Variants in THSD4 observed in about 807,000 individuals in gnomAD.
THSD4 encodes the protein thrombospondin type-1 domain-containing protein 4.
In THSD4, 69 loss-of-function variants were observed where a neutral mutation model predicts 119.0. That is an observed-to-expected ratio of 0.58 (90% CI 0.48 to 0.71). The LOEUF is 0.71. Among genes scored for constraint, THSD4 ranks in the 30% least tolerant of loss-of-function variants. THSD4 has a pLI of 0.00. For missense variants in THSD4, 1,393 were observed against 1,391.1 expected (o/e 1.00, Z -0.02); for synonymous variants, 524 against 540.4 (o/e 0.97, Z 0.42).
chr15:71,274,575 T>G (rs2044569373), intron 6 of THSD4, among the ~76,000 whole-genome samples: 1 of 152,138 alleles, frequency 6.6e-6, no homozygotes, highest in South Asian at 2.1e-4. Context: ...CTCCCACCAC[T>G]GCTGCCAAGT....
In THSD4 at chr15:71,442,612, G is replaced by A. The variant is rs1368254048; in HGVS notation, c.1152+30789G>A. Among the ~76,000 whole-genome samples the A allele has an allele frequency of 1.2e-3, 82 of 70,832 alleles. 1 individual carries two copies. The highest frequency in any genetic ancestry group is 1.9e-3 in the Non-Finnish European group (65 of 34,714). 46.5% of individuals were successfully genotyped at this position (70,832 alleles called of 152,430 possible). On this transcript the variant is annotated intron_variant, in intron 7 of 17. Transcript: ENST00000261862. ...TATATATATATATATGTGTGTGTGT[G>A]TGTGTGTATATATATATGTATGTGT... is the stretch of plus-strand genomic sequence containing the variant.
intron 7 of THSD4, among the ~76,000 whole-genome samples, chr15:71,587,691 T>G (rs1391048507): frequency 7.6e-6 from 1 of 132,048 alleles, no homozygotes; most frequent in Non-Finnish European, 1.6e-5. Context: ...AGTTAGTGGG[T>G]GCAGCGCACC....
chr15:71,228,464 C>T (rs146332038), intron 4 of THSD4, among the ~76,000 whole-genome samples: 2,350 of 152,264 alleles, frequency 0.015, 63 homozygotes, highest in African/African-American at 0.054. Flanking sequence ...GAATAGATTT[C>T]TGTTGTTATA....
intron 7 of THSD4, among the ~76,000 whole-genome samples, chr15:71,432,675 C>T (rs1024620255): frequency 6.6e-6 from 1 of 151,992 alleles, no homozygotes; most frequent in Non-Finnish European, 1.5e-5. Context: ...ATAAATAAAC[C>T]TATCCTGTAT....
At chr15:71,745,662 T>G (rs552442963) in intron 12 of THSD4, among the ~76,000 whole-genome samples, 1 of 152,308 alleles carries the variant, frequency 6.6e-6, no homozygotes, top group African/African-American at 2.4e-5. Flanking sequence ...GGTTTTGTTT[T>G]TGTTTTTATG....
intron 7 of THSD4, among the ~76,000 whole-genome samples, chr15:71,435,973 G>A (rs1477899792): frequency 2.0e-5 from 3 of 152,196 alleles, no homozygotes; most frequent in Non-Finnish European, 4.4e-5. Context: ...GATTCCCAGT[G>A]CTTTTAGACT....
chr15:71,542,876 C>CAA lies in THSD4; in HGVS notation c.1153-117644_1153-117643dup, dbSNP rs59058386. Among the ~76,000 whole-genome samples the CAA allele has an allele frequency of 8.2e-4, 113 of 137,776 alleles. 1 individual carries two copies. Among genetic ancestry groups the CAA allele is most frequent in the South Asian group, 3.9e-3 (17 of 4,324 alleles). 90.4% of individuals were successfully genotyped at this position (137,776 alleles called of 152,430 possible). A position where few individuals can be genotyped will look rare whatever the true frequency, so the allele number is the denominator to read the frequency against. ...TGGGCAACAGAGCAAGACTCTGTCT[C>CAA]AAAAAAAAAAACAAAAAAACAAAAA... is the stretch of plus-strand genomic sequence containing the variant. On this transcript the variant is annotated intron_variant, in intron 7 of 17. Coordinates refer to ENST00000261862, the MANE Select transcript of THSD4 (RefSeq NM_024817.3).
intron 8 of THSD4, among the ~76,000 whole-genome samples, chr15:71,710,944 T>C (rs974316722): frequency 6.6e-6 from 1 of 152,164 alleles, no homozygotes; most frequent in Non-Finnish European, 1.5e-5. Context: ...TAACTTAGTT[T>C]GCTTGCCTCT....
chr15:71,364,908 G>A (rs993764675), intron 6 of THSD4, among the ~76,000 whole-genome samples: 1 of 152,150 alleles, frequency 6.6e-6, no homozygotes, highest in African/African-American at 2.4e-5. Flanking sequence ...GTTTTTTAAA[G>A]CTCTGTTAAA....
chr15:71,396,823 G>T (rs939931402), intron 6 of THSD4, among the ~76,000 whole-genome samples: 1 of 152,186 alleles, frequency 6.6e-6, no homozygotes. Flanking sequence ...TTTCATAATG[G>T]CATTTGTTTT....
chr15:71,301,676 A>T (rs1438153893), intron 6 of THSD4, among the ~76,000 whole-genome samples: 3 of 152,214 alleles, frequency 2.0e-5, no homozygotes, highest in Non-Finnish European at 4.4e-5. Flanking sequence ...TTTGAGAAAT[A>T]ATTTATTTTT....
At chr15:71,576,405 C>G (rs2049449466) in intron 7 of THSD4, among the ~76,000 whole-genome samples, 1 of 152,162 alleles carries the variant, frequency 6.6e-6, no homozygotes, top group Non-Finnish European at 1.5e-5. Flanking sequence ...TCCCCTCTCA[C>G]TGGGAATTCT....
intron 10 of THSD4, chr15:71,732,584 G>A (rs573590138): frequency 6.6e-6 from 1 of 152,318 alleles, no homozygotes; most frequent in African/African-American, 2.4e-5. Context: ...CTTAGAAACT[G>A]CTGTGCTGAG....
chr15:71,409,304 G>T, intron 6 of THSD4, among the ~76,000 whole-genome samples: 1 of 152,160 alleles, frequency 6.6e-6, no homozygotes, highest in East Asian at 1.9e-4. Context: ...AGATGAGGCT[G>T]CCTTTCACAA....
chr15:71,614,239 G>T (rs991220832), intron 7 of THSD4, among the ~76,000 whole-genome samples: 3 of 152,100 alleles, frequency 2.0e-5, no homozygotes, highest in African/African-American at 7.2e-5. Context: ...GCATTTCCTC[G>T]CCACCATTTA....
rs892125728 is a variant in THSD4 at position 71,606,676 on chromosome 15, G to T, written c.1153-53854G>T. 3.9e-5 allele frequency among the ~76,000 whole-genome samples: 6 copies of T among 152,312 alleles called. No individual in the cohort carries two copies. The East Asian group carries it at 1.2e-3, about 29-fold the overall frequency. On this transcript the variant is annotated intron_variant, in intron 7 of 17. Transcript: ENST00000261862. ...CTGCCTCAGCCTCCCGAGTAGCTGG[G>T]ATTACAGGCATGTGCCACCACGCCT...
chr15:71,326,026 A>G (rs1415432378), intron 6 of THSD4, among the ~76,000 whole-genome samples: 1 of 152,228 alleles, frequency 6.6e-6, no homozygotes, highest in African/African-American at 2.4e-5. Flanking sequence ...CGAGTAGAGC[A>G]AGAACATCTA....
intron 6 of THSD4, among the ~76,000 whole-genome samples, chr15:71,391,924 A>G (rs2046384319): frequency 6.6e-6 from 1 of 152,206 alleles, no homozygotes; most frequent in African/African-American, 2.4e-5. Flanking sequence ...GAGACCCTCA[A>G]CAGCATTTCT....
upstream of THSD4, chr15:71,111,647 A>G: frequency 1.7e-6 from 1 of 574,792 alleles, no homozygotes; most frequent in Non-Finnish European, 3.1e-6. Context: ...TGAAAGGAAC[A>G]ATTTTACAAG....
Sources: gnomAD v4.1 joint callset for allele counts (sites outside exome capture counted in the v4.1 genomes callset) on GRCh38, gnomAD v4.1.1 for gene constraint, MANE v1.5 for transcripts, NCBI Gene and HGNC (gene_info 2026-07-23, HGNC 2026-07-21) for gene names.